Variants in RADIL observed in about 807,000 individuals in gnomAD.
RADIL encodes the protein ras-associating and dilute domain-containing protein.
Under a neutral mutation model 97.6 loss-of-function variants are expected in RADIL, and 99 were observed. The observed-to-expected ratio is 1.01, with a 90% CI of 0.86 to 1.20. The LOEUF (loss-of-function observed/expected upper bound fraction) is 1.20, where lower values mean the gene tolerates loss of function less well. Among genes scored for constraint, RADIL ranks in the 50% most tolerant of loss-of-function variants. The probability of loss-of-function intolerance (pLI) is 0.00; values close to 1 mark genes in which losing one functional copy is unlikely to be tolerated. For missense variants in RADIL, 1,765 were observed against 1,498.9 expected (o/e 1.18, Z -2.93); for synonymous variants, 803 against 691.8 (o/e 1.16, Z -2.52).
chr7:4,846,288 G>A (rs944894806), intron 2 of RADIL, among the ~76,000 whole-genome samples: 7 of 149,916 alleles, frequency 4.7e-5, no homozygotes, highest in African/African-American at 1.7e-4. Context: ...CTGGAATTAC[G>A]GGTGCCTGCC....
chr7:4,877,516 T>C (rs896529573), intron 2 of RADIL, 89 bp downstream of exon 2: 33 of 1,425,512 alleles, frequency 2.3e-5, no homozygotes, highest in African/African-American at 4.3e-5. Flanking sequence ...CCCACGCATG[T>C]CCCCTGCACC....
intron 2 of RADIL, among the ~76,000 whole-genome samples, chr7:4,851,716 G>C (rs1009486894): frequency 2.6e-5 from 4 of 152,220 alleles, no homozygotes; most frequent in African/African-American, 9.7e-5. Flanking sequence ...TTATGGTTAA[G>C]AGGCAACAGG....
At chr7:4,825,976 C>T (rs1169575096) in intron 5 of RADIL, among the ~76,000 whole-genome samples, 1 of 151,050 alleles carries the variant, frequency 6.6e-6, no homozygotes, top group Non-Finnish European at 1.5e-5. Context: ...GGTGCGGTAG[C>T]TCACATCTGC....
At position 4,878,274 on chromosome 7, in the gene RADIL, T is replaced by A. The variant is rs1583332077; in HGVS notation, c.-64-71A>T. ...CAAGAGCAAATGAGGCCACAGGCGGTGACTCCTGCCCGTCATCCCAGCGCT... is the reference window on the plus strand; with the variant it reads ...CAAGAGCAAATGAGGCCACAGGCGGAGACTCCTGCCCGTCATCCCAGCGCT... On this transcript the variant is annotated intron_variant, in intron 1 of 14. Coordinates refer to ENST00000399583, the MANE Select transcript of RADIL (RefSeq NM_018059.5). This position sits in a 1 kb window ranked among gnomAD's most constrained non-coding sequence, Gnocchi z 4.1. 9.8e-7 allele frequency: 1 copy of A among 1,015,932 alleles called. No individual in the cohort carries two copies. The highest frequency in any genetic ancestry group is 2.7e-5 in the East Asian group (1 of 37,536). The allele number at this position is 1,015,932 out of a possible 1,614,324, so 62.9% of individuals were successfully genotyped here.
At chr7:4,806,006 A>G in intron 9 of RADIL, 1 of 985,480 alleles carries the variant, frequency 1.0e-6, no homozygotes, top group Non-Finnish European at 1.2e-6. Flanking sequence ...GCCGCCAACC[A>G]GAGAAACCAC....
chr7:4,816,163 C>G (rs1034099284), intron 8 of RADIL, 65 bp downstream of exon 8: 2 of 1,474,854 alleles, frequency 1.4e-6, no homozygotes, highest in Non-Finnish European at 1.9e-6. Context: ...GCGAGGGAGG[C>G]GCCAGCAGCC....
intron 2 of RADIL, chr7:4,861,859 C>T: frequency 7.7e-7 from 1 of 1,290,982 alleles, no homozygotes. Context: ...CCGCGACCTT[C>T]GCGGCCGCCG....
intron 2 of RADIL, among the ~76,000 whole-genome samples, chr7:4,843,309 G>A (rs1282602764): frequency 6.6e-5 from 10 of 151,972 alleles, no homozygotes; most frequent in African/African-American, 1.7e-4. Flanking sequence ...CACCGCGCCC[G>A]GCCAAGAGAT....
rs1459817748 is a variant in RADIL, at chr7:4,814,932, T to A, written c.2139+346A>T. On this transcript the variant is annotated intron_variant, in intron 9 of 14. Transcript: ENST00000399583. The surrounding 1 kb of genome is among the most constrained non-coding windows in gnomAD (Gnocchi z 4.5). ...CCTCTTCTTCTGTTTCTCTCTGACC[T>A]TCTGGACTTGTCTGAGTGGACTGGG... 6.6e-6 allele frequency among the ~76,000 whole-genome samples: 1 copy of A among 152,172 alleles called. No individual in the cohort carries two copies. Among genetic ancestry groups the A allele is most frequent in the Non-Finnish European group, 1.5e-5 (1 of 68,014 alleles).
intron 2 of RADIL, among the ~76,000 whole-genome samples, chr7:4,839,995 C>T (rs953194240): frequency 4.6e-5 from 7 of 152,196 alleles, no homozygotes; most frequent in African/African-American, 1.7e-4. Context: ...GTGATCCGCC[C>T]ACCTCGGCCT....
At position 4,878,570 on chromosome 7, in the gene RADIL, A is replaced by C. The variant is rs1277362477; in HGVS notation, c.-64-367T>G. On this transcript the variant is annotated intron_variant, in intron 1 of 14. Transcript: ENST00000399583. The surrounding 1 kb of genome is among the most constrained non-coding windows in gnomAD (Gnocchi z 4.1). ...CTAATGGACATAACAGGCCGTGGGC[A>C]TCCTGGCCCCGCAGACCTGACACCA... Among the ~76,000 whole-genome samples the C allele has an allele frequency of 6.6e-6, 1 of 152,176 alleles. No homozygotes were observed. Among genetic ancestry groups the C allele is most frequent in the East Asian group, 1.9e-4 (1 of 5,184 alleles).
Position 4,813,103 on chromosome 7 carries a change from T to A in RADIL, c.2139+2175A>T, listed in dbSNP as rs542758581. ...CTCTCTCTCTCTCTCTCTCTCTCTT[T>A]CCTTTCTTTCTTTCTTTTCTTTCTT... On this transcript the variant is annotated intron_variant, in intron 9 of 14. Transcript: ENST00000399583. This position sits in a 1 kb window ranked among gnomAD's most constrained non-coding sequence, Gnocchi z 5.0. Among the ~76,000 whole-genome samples, 12 of 148,828 alleles carry A rather than the reference T, an allele frequency of 8.1e-5. No homozygotes were observed. The highest frequency in any genetic ancestry group is 2.8e-4 in the African/African-American group (11 of 39,846).
At chr7:4,810,718 T>C (rs1451319938) in intron 9 of RADIL, among the ~76,000 whole-genome samples, 2 of 152,230 alleles carry the variant, frequency 1.3e-5, no homozygotes, top group Non-Finnish European at 2.9e-5. Context: ...GCCAGACGGC[T>C]TTCCAAAGTG....
At chr7:4,881,334 G>A (rs1162468164) in intron 1 of RADIL, among the ~76,000 whole-genome samples, 1 of 148,998 alleles carries the variant, frequency 6.7e-6, no homozygotes, top group Non-Finnish European at 1.5e-5. Context: ...AGAATGGCGT[G>A]AACCCGGGAG....
At chr7:4,810,269 C>T (rs1021862351) in intron 9 of RADIL, among the ~76,000 whole-genome samples, 14 of 152,112 alleles carry the variant, frequency 9.2e-5, no homozygotes, top group African/African-American at 3.1e-4. Flanking sequence ...AGCAATTCTC[C>T]TGCCTCAGCC....
chr7:4,824,297 G>T lies in RADIL; in HGVS notation c.1455-1743C>A, dbSNP rs1782914724. ...TGCCTGACCCCAGTCCCGGGGCAGA[G>T]CCAGGCTCAAGGCTGGACGGCCGTC... On this transcript the variant is annotated intron_variant, in intron 5 of 14. Transcript: ENST00000399583. The surrounding 1 kb of genome is among the most constrained non-coding windows in gnomAD (Gnocchi z 6.7). Among the ~76,000 whole-genome samples the T allele has an allele frequency of 6.6e-6, 1 of 152,242 alleles. No individual in the cohort carries two copies. The highest frequency in any genetic ancestry group is 2.1e-4 in the South Asian group (1 of 4,832).
At chr7:4,809,090 G>T in intron 9 of RADIL, 2 of 983,222 alleles carry the variant, frequency 2.0e-6, no homozygotes, top group Non-Finnish European at 2.4e-6. Flanking sequence ...TCCTGTAGAC[G>T]CTCTGCTCAG....
At chr7:4,881,577 ATT>A (rs1784488115) in intron 1 of RADIL, among the ~76,000 whole-genome samples, 1 of 151,656 alleles carries the variant, frequency 6.6e-6, no homozygotes, top group South Asian at 2.1e-4. Context: ...AAATACAAAA[ATT>A]AGCTGGGCAT....
Position 4,861,407 on chromosome 7 carries a change from T to C in RADIL, c.535+16198A>G, listed in dbSNP as rs898594329. The C allele has an allele frequency of 1.2e-5, 20 of 1,614,076 alleles. No homozygotes were observed. The Admixed American group carries it at 1.3e-4, about 11-fold the overall frequency. On this transcript the variant is annotated intron_variant, in intron 2 of 14. Transcript: ENST00000399583. ...TTCCTCCTGTAGTTTCAGTTTAGCA[T>C]AGAATGAGGTGAAAAAGTCGCTTCG...
Sources: gnomAD v4.1 joint callset for allele counts (sites outside exome capture counted in the v4.1 genomes callset) on GRCh38, gnomAD v4.1.1 for gene constraint, Gnocchi (gnomAD v3.1) non-coding constraint, MANE v1.5 for transcripts, NCBI Gene and HGNC (gene_info 2026-07-23, HGNC 2026-07-21) for gene names.